The following GADL1 variants were observed in gnomAD, a reference collection of about 807,000 sequenced individuals.
The protein encoded by GADL1 is GAD like acidic amino acid decarboxylase 1.
In GADL1, 71 loss-of-function variants were observed where a neutral mutation model predicts 69.5. That is an observed-to-expected ratio of 1.02 (90% confidence interval 0.84 to 1.25). GADL1 has a LOEUF of 1.25. GADL1 is among the 50% of genes most tolerant of loss of function. GADL1 has a pLI of 0.00. For synonymous variants in GADL1, 254 were observed against 214.4 expected, an observed-to-expected ratio of 1.18 and a Z score of -1.62; for missense variants, 737 against 631.8, an observed-to-expected ratio of 1.17 and a Z score of -1.79.
In GADL1 at chr3:30,795,118, G is replaced by A. The variant is rs530285981; in HGVS notation, c.1250+5771C>T. ...GGAGTTATCTACTGAAAGAAGTTACGCTTCTTGGAAACAAAACAATGTTTC... is the reference window on the plus strand; with the variant it reads ...GGAGTTATCTACTGAAAGAAGTTACACTTCTTGGAAACAAAACAATGTTTC... On this transcript the variant is annotated intron_variant, in intron 12 of 14. Coordinates refer to ENST00000282538, the MANE Select transcript of GADL1 (RefSeq NM_207359.3). Among the ~76,000 whole-genome samples, 4 of 152,096 alleles carry A rather than the reference G, an allele frequency of 2.6e-5. No individual in the cohort carries two copies. In the East Asian group the frequency reaches 5.8e-4, roughly 22 times the overall value.
intron 11 of GADL1, among the ~76,000 whole-genome samples, chr3:30,812,330 C>T (rs982353424): frequency 6.6e-6 from 1 of 152,194 alleles, no homozygotes; most frequent in Non-Finnish European, 1.5e-5. Flanking sequence ...TCATGCTGCT[C>T]ATAGATATAC....
chr3:30,798,125 TCA>T (rs1225556179), intron 12 of GADL1: 2 of 152,222 alleles, frequency 1.3e-5, no homozygotes, highest in African/African-American at 2.4e-5. Flanking sequence ...CCGCCACAAC[TCA>T]CAGATCATTT....
chr3:30,729,149 A>T (rs1695415610), intron 14 of GADL1, among the ~76,000 whole-genome samples: 3 of 152,196 alleles, frequency 2.0e-5, no homozygotes, highest in African/African-American at 7.2e-5. Flanking sequence ...GATAATCCAG[A>T]TACACAGATT....
chr3:30,727,117 A>G lies in GADL1; in HGVS notation c.*1125T>C, dbSNP rs1350388517. 1.3e-5 allele frequency: 2 copies of G among 149,058 alleles called. No individual in the cohort carries two copies. Among genetic ancestry groups the G allele is most frequent in the Admixed American group, 6.7e-5 (1 of 14,908 alleles). The allele number at this position is 149,058 out of a possible 1,614,324, so 9.2% of individuals were successfully genotyped here. ...ATATATACTATACACACACATATGT[A>G]TGTGTGTGTATATATATACATATAT... On this transcript the variant is annotated 3_prime_UTR_variant, in exon 15 of 15. Coordinates refer to ENST00000282538, the MANE Select transcript of GADL1 (RefSeq NM_207359.3).
intron 14 of GADL1, among the ~76,000 whole-genome samples, chr3:30,776,711 G>C (rs1696548836): frequency 6.6e-6 from 1 of 152,174 alleles, no homozygotes; most frequent in Non-Finnish European, 1.5e-5. Context: ...TGACTTAAAG[G>C]CTATGTTCTG....
intron 14 of GADL1, among the ~76,000 whole-genome samples, chr3:30,741,406 G>A (rs1695624737): frequency 1.3e-5 from 2 of 151,846 alleles, no homozygotes; most frequent in Admixed American, 1.3e-4. Context: ...CACTGCTGAT[G>A]GAACAAGCCT....
chr3:30,838,262 AAG>A (rs886771799), intron 9 of GADL1, among the ~76,000 whole-genome samples: 29 of 152,270 alleles, frequency 1.9e-4, no homozygotes, highest in East Asian at 7.7e-4. Context: ...AATTTTAAAA[AAG>A]AAAATTAAAA....
chr3:30,886,019 T>A (rs1185946995), intron 1 of GADL1, among the ~76,000 whole-genome samples: 1 of 152,036 alleles, frequency 6.6e-6, no homozygotes, highest in Non-Finnish European at 1.5e-5. Context: ...CAAAAACAGA[T>A]TAGCAATAAA....
At chr3:30,785,395 T>TG (rs1553638920) in intron 13 of GADL1, among the ~76,000 whole-genome samples, 1 of 149,660 alleles carries the variant, frequency 6.7e-6, no homozygotes, top group Admixed American at 6.7e-5. Context: ...TTTTTTTTTT[T>TG]CCCCCCGAGA....
intron 14 of GADL1, among the ~76,000 whole-genome samples, chr3:30,742,181 A>T (rs1695636065): frequency 6.6e-6 from 1 of 152,288 alleles, no homozygotes; most frequent in South Asian, 2.1e-4. Context: ...CTCTGTCAGA[A>T]TTCCTGACAC....
chr3:30,805,508 T>C (rs1225017324), intron 11 of GADL1, among the ~76,000 whole-genome samples: 2 of 152,186 alleles, frequency 1.3e-5, no homozygotes, highest in Non-Finnish European at 2.9e-5. Flanking sequence ...TATCCTGTTT[T>C]TAAAGCATTT....
At chr3:30,792,970 TG>T (rs1696953823) in intron 12 of GADL1, among the ~76,000 whole-genome samples, 1 of 152,142 alleles carries the variant, frequency 6.6e-6, no homozygotes, top group African/African-American at 2.4e-5. Context: ...GAATGGTCCT[TG>T]GTGAGCAAAT....
chr3:30,734,041 A>G (rs1426715111), intron 14 of GADL1, among the ~76,000 whole-genome samples: 1 of 152,184 alleles, frequency 6.6e-6, no homozygotes, highest in Non-Finnish European at 1.5e-5. Context: ...GAGAGTCTTG[A>G]ATGCCAGCTT....
In GADL1 at chr3:30,800,636, A is replaced by T. The variant is rs1697138982; in HGVS notation, c.1250+253T>A. The T allele has an allele frequency of 1.8e-5, 9 of 491,748 alleles. No homozygotes were observed. The South Asian group carries it at 2.0e-4, about 11-fold the overall frequency. 30.5% of individuals were successfully genotyped at this position (491,748 alleles called of 1,614,324 possible). Reference sequence around the variant, plus strand: ...ATGAGGGTCATTTGTGCATCTCAGTAGGCTAGGATCTTGGAGGGAGGTGAT... The same window carrying T: ...ATGAGGGTCATTTGTGCATCTCAGTTGGCTAGGATCTTGGAGGGAGGTGAT... On this transcript the variant is annotated intron_variant, in intron 12 of 14. Coordinates refer to ENST00000282538, the MANE Select transcript of GADL1 (RefSeq NM_207359.3).
intron 11 of GADL1, among the ~76,000 whole-genome samples, chr3:30,822,473 CCT>C (rs1488621268): frequency 1.3e-5 from 2 of 151,844 alleles, no homozygotes; most frequent in African/African-American, 2.4e-5. Context: ...ACCCAAGGAG[CCT>C]CTGTTTTTTA....
At chr3:30,772,465 T>C (rs1475195784) in intron 14 of GADL1, among the ~76,000 whole-genome samples, 2 of 152,184 alleles carry the variant, frequency 1.3e-5, no homozygotes, top group African/African-American at 4.8e-5. Context: ...GGTCTAACAT[T>C]TCCCATCTTA....
At chr3:30,729,055 CTTA>C (rs780960925) in intron 14 of GADL1, among the ~76,000 whole-genome samples, 51 of 152,184 alleles carry the variant, frequency 3.4e-4, no homozygotes, top group Non-Finnish European at 7.4e-5. Context: ...CACCCTGTCT[CTTA>C]TTAAGAGATG....
At chr3:30,800,655 A>AG in intron 12 of GADL1, 1 of 527,516 alleles carries the variant, frequency 1.9e-6, no homozygotes, top group African/African-American at 1.9e-5. Flanking sequence ...TCTTGGAGGG[A>AG]GGTGATAGGA....
rs201532745 is a variant in GADL1, at chr3:30,768,891, CATG to C, written c.1392+9285_1392+9287del. ...GTCATTTTCCAGCTGTGAACGAAAA[CATG>C]AGCAAAAGTGCCACCAGGGGGCAGG... On this transcript the variant is annotated intron_variant, in intron 14 of 14. Coordinates refer to ENST00000282538, the MANE Select transcript of GADL1 (RefSeq NM_207359.3). Among the ~76,000 whole-genome samples, 35 of 152,276 alleles carry C rather than the reference CATG, an allele frequency of 2.3e-4. No individual in the cohort carries two copies. In the South Asian group the frequency reaches 6.0e-3, roughly 26 times the overall value.
Sources: allele counts gnomAD v4.1 joint callset (sites outside exome capture counted in the v4.1 genomes callset), GRCh38; gene constraint gnomAD v4.1.1; transcripts MANE v1.5; gene names NCBI Gene and HGNC (gene_info 2026-07-23, HGNC 2026-07-21).